AIG1: variants seen among roughly 807,000 people sequenced by gnomAD.
The protein encoded by AIG1 is androgen-induced gene 1 protein.
In AIG1, 23 loss-of-function variants were observed where a neutral mutation model predicts 31.4. The ratio of observed to expected loss-of-function variants is 0.73; its 90% CI spans 0.53 to 1.04. The LOEUF is 1.04. Ranked by LOEUF, AIG1 falls within the 50% of genes least tolerant of loss-of-function variation. AIG1 has a pLI of 0.00. For missense variants in AIG1, 274 were observed against 295.0 expected (o/e 0.93, Z 0.52); for synonymous variants, 100 against 110.5 (o/e 0.90, Z 0.60).
intron 3 of AIG1, among the ~76,000 whole-genome samples, chr6:143,201,900 C>G (rs535077527): frequency 1.3e-5 from 2 of 152,160 alleles, no homozygotes; most frequent in Non-Finnish European, 2.9e-5. Flanking sequence ...TAGAGCCATC[C>G]TTACGTTTTT....
chr6:143,202,895 G>A (rs931452191), intron 3 of AIG1, among the ~76,000 whole-genome samples: 6 of 152,138 alleles, frequency 3.9e-5, no homozygotes, highest in African/African-American at 1.4e-4. Context: ...AGGCTGCCCT[G>A]AGAGAGTCAG....
intron 1 of AIG1, among the ~76,000 whole-genome samples, chr6:143,118,457 CA>C (rs113127575): frequency 0.33 from 36,713 of 110,778 alleles, 8,302 homozygotes; most frequent in African/African-American, 0.64. Flanking sequence ...GACTCCGTCT[CA>C]AAAAAAAAAA....
chr6:143,059,298 C>A (rs1776077250), upstream of AIG1, among the ~76,000 whole-genome samples: 1 of 152,286 alleles, frequency 6.6e-6, no homozygotes, highest in Admixed American at 6.5e-5. Context: ...CACTCTGGGT[C>A]TGTGCCATCT....
At chr6:143,120,693 C>T (rs1782165744) in intron 1 of AIG1, among the ~76,000 whole-genome samples, 1 of 152,196 alleles carries the variant, frequency 6.6e-6, no homozygotes, top group African/African-American at 2.4e-5. Context: ...TGGGGACACA[C>T]AGCCAAACCA....
upstream of AIG1, chr6:143,060,781 G>GCCCCCCCCCCCC (rs1776150423): frequency 9.3e-6 from 1 of 107,158 alleles, no homozygotes; most frequent in African/African-American, 3.8e-5. Context: ...GGGGGCGCGC[G>GCCCCCCCCCCCC]CCCCGCCCCC....
intron 1 of AIG1, among the ~76,000 whole-genome samples, chr6:143,078,803 G>C (rs1196916264): frequency 6.6e-6 from 1 of 152,144 alleles, no homozygotes; most frequent in Admixed American, 6.5e-5. Context: ...ATTTGGGTGG[G>C]GACACAGCCA....
intron 3 of AIG1, among the ~76,000 whole-genome samples, chr6:143,255,970 T>G (rs1188870816): frequency 6.6e-6 from 1 of 152,198 alleles, no homozygotes; most frequent in Non-Finnish European, 1.5e-5. Context: ...AAGAACATGT[T>G]TTCCTATCCT....
rs955746536 is a variant in AIG1 at position 143,279,996 on chromosome 6, G to C, written c.400-4114G>C. The stretch of plus-strand genomic sequence containing the variant: ...CCTGGGGAATTGTTCTGTTGACAAT[G>C]TACTGCAGAAAACAGTCCAAACAAT... On this transcript the variant is annotated intron_variant, in intron 3 of 5. Transcript: ENST00000357847. This position sits in a 1 kb window ranked among gnomAD's most constrained non-coding sequence, Gnocchi z 5.4. 1.3e-5 allele frequency among the ~76,000 whole-genome samples: 2 copies of C among 152,192 alleles called. No homozygotes were observed. The highest frequency in any genetic ancestry group is 2.9e-5 in the Non-Finnish European group (2 of 68,034).
intron 1 of AIG1, among the ~76,000 whole-genome samples, chr6:143,080,751 G>A (rs981917724): frequency 6.6e-6 from 1 of 152,094 alleles, no homozygotes; most frequent in Non-Finnish European, 1.5e-5. Context: ...ATTGTCTGCT[G>A]GATTTTCGGG....
At chr6:143,246,112 G>A (rs77192358) in intron 3 of AIG1, among the ~76,000 whole-genome samples, 4,864 of 152,244 alleles carry the variant, frequency 0.032, 101 homozygotes, top group Non-Finnish European at 0.046. Flanking sequence ...GGTGGGACAA[G>A]CTTGGTTTAG....
At chr6:143,259,677 T>C (rs945686927) in intron 3 of AIG1, among the ~76,000 whole-genome samples, 3 of 152,272 alleles carry the variant, frequency 2.0e-5, no homozygotes, top group Non-Finnish European at 1.5e-5. Context: ...ATAACCAAAA[T>C]TGGGAACGTA....
intron 3 of AIG1, among the ~76,000 whole-genome samples, chr6:143,246,115 T>A (rs1794605963): frequency 1.3e-5 from 2 of 152,184 alleles, no homozygotes; most frequent in South Asian, 2.1e-4. Flanking sequence ...GGGACAAGCT[T>A]GGTTTAGGGC....
chr6:143,091,653 A>T (rs184678166), intron 1 of AIG1, among the ~76,000 whole-genome samples: 3 of 152,362 alleles, frequency 2.0e-5, no homozygotes, highest in Admixed American at 6.5e-5. Flanking sequence ...AATGAAAGAC[A>T]GTAGGTTGGC....
chr6:143,074,383 A>C (rs1046772929), intron 1 of AIG1, among the ~76,000 whole-genome samples: 8 of 152,204 alleles, frequency 5.3e-5, no homozygotes, highest in Non-Finnish European at 1.0e-4. Context: ...TTCTGGCCTT[A>C]CATTGATGTC....
At chr6:143,084,472 G>A (rs1027822345) in intron 1 of AIG1, among the ~76,000 whole-genome samples, 2 of 152,080 alleles carry the variant, frequency 1.3e-5, no homozygotes, top group Non-Finnish European at 2.9e-5. Flanking sequence ...TAAAGCGGTG[G>A]CCTTTTTCTT....
At chr6:143,244,355 G>A (rs1442550567) in intron 3 of AIG1, among the ~76,000 whole-genome samples, 1 of 152,142 alleles carries the variant, frequency 6.6e-6, no homozygotes, top group African/African-American at 2.4e-5. Flanking sequence ...GCAAGAGGTT[G>A]GGGGGCAGCC....
intron 3 of AIG1, among the ~76,000 whole-genome samples, chr6:143,231,896 C>G (rs1793472322): frequency 6.6e-6 from 1 of 152,114 alleles, no homozygotes; most frequent in African/African-American, 2.4e-5. Flanking sequence ...CTAAATAAAC[C>G]ATGAGTTCTT....
intron 3 of AIG1, among the ~76,000 whole-genome samples, chr6:143,276,754 G>A (rs1313171662): frequency 1.3e-5 from 2 of 152,162 alleles, no homozygotes; most frequent in Admixed American, 1.3e-4. Context: ...CAGATTTTGA[G>A]CTGACCAATT....
At chr6:143,183,724 C>G (rs1788960224) in intron 3 of AIG1, among the ~76,000 whole-genome samples, 1 of 152,154 alleles carries the variant, frequency 6.6e-6, no homozygotes, top group Non-Finnish European at 1.5e-5. Flanking sequence ...GTGGTTTACA[C>G]AAGTGCTTTC....
Sources: gnomAD v4.1 joint callset for allele counts (sites outside exome capture counted in the v4.1 genomes callset) on GRCh38, gnomAD v4.1.1 for gene constraint, Gnocchi (gnomAD v3.1) non-coding constraint, MANE v1.5 for transcripts, NCBI Gene and HGNC (gene_info 2026-07-23, HGNC 2026-07-21) for gene names.